Variants in WDR7 observed in about 807,000 individuals in gnomAD.
The protein encoded by WDR7 is WD repeat-containing protein 7.
Under a neutral mutation model 169.4 loss-of-function variants are expected in WDR7, and 46 were observed. The observed-to-expected ratio is 0.27, with a 90% CI of 0.21 to 0.35. The LOEUF is 0.35. Among genes scored for constraint, WDR7 ranks in the 10% least tolerant of loss-of-function variants. The pLI, the probability that WDR7 is intolerant of heterozygous loss-of-function variation, is 1.00. For missense variants in WDR7, 1,534 were observed against 1,859.3 expected (o/e 0.83, Z 3.22); for synonymous variants, 612 against 666.8 (o/e 0.92, Z 1.27).
chr18:56,724,331 G>A (rs2026392854), intron 13 of WDR7, among the ~76,000 whole-genome samples: 1 of 150,662 alleles, frequency 6.6e-6, no homozygotes, highest in South Asian at 2.1e-4. Context: ...CCTGCCTCAG[G>A]CCTCCCAAGA....
intron 21 of WDR7, among the ~76,000 whole-genome samples, chr18:56,913,623 C>CAAAA (rs3045241): frequency 1.5e-5 from 2 of 134,824 alleles, no homozygotes; most frequent in Admixed American, 7.3e-5. Flanking sequence ...CCCATCTCTA[C>CAAAA]AAAAAAAAAA....
In WDR7 at chr18:56,682,687, G is replaced by C; in HGVS notation, c.354G>C (p.Gln118His). 1 of 1,612,940 alleles carries C rather than the reference G, an allele frequency of 6.2e-7. No individual in the cohort carries two copies. Among genetic ancestry groups the C allele is most frequent in the Non-Finnish European group, 8.5e-7 (1 of 1,179,526 alleles). Residue 118 changes from glutamine to histidine, a missense_variant, in exon 5 of 28, where the codon CAG becomes CAC. By Grantham distance (24) the Gln-to-His change is conservative. Coordinates refer to ENST00000254442, the MANE Select transcript of WDR7 (RefSeq NM_015285.3). ...TTTTGGCATGAATGTAGTTCTACCA[G>C]TTCTCTGTTGGGAATCAGCGAGAAG... ...ACTHTGIQFY[Q>H]FSVGNQREGR... is the part of the protein sequence containing the mutation.
chr18:56,956,340 T>C (rs1294956955), intron 25 of WDR7, among the ~76,000 whole-genome samples: 1 of 152,118 alleles, frequency 6.6e-6, no homozygotes, highest in African/African-American at 2.4e-5. Flanking sequence ...CTTTCAAACA[T>C]ATTAGCAGCA....
intron 24 of WDR7, 129 bp from the exon 25 acceptor site, chr18:56,939,182 T>A: frequency 1.7e-6 from 1 of 594,046 alleles, no homozygotes; most frequent in Admixed American, 3.8e-5. Context: ...ATTGCTTTTG[T>A]TTTTATTTTA....
rs564849704 is a variant in WDR7, at chr18:56,992,247, C to T, written c.4165-28498C>T. On this transcript the variant is annotated intron_variant, in intron 26 of 27. Transcript: ENST00000254442. The stretch of plus-strand genomic sequence containing the variant: ...CTTTAGAGCTGGAAAGCTGAGAGTG[C>T]CTGCCTTCTTTATGTAACTAGCGAT... 6.0e-4 allele frequency among the ~76,000 whole-genome samples: 92 copies of T among 152,190 alleles called. 1 individual carries two copies. The highest frequency in any genetic ancestry group is 1.1e-3 in the Non-Finnish European group (72 of 68,030).
At chr18:57,003,787 A>C (rs1599237380) in intron 26 of WDR7, among the ~76,000 whole-genome samples, 1 of 152,076 alleles carries the variant, frequency 6.6e-6, no homozygotes, top group East Asian at 1.9e-4. Flanking sequence ...GTCTGTCTTC[A>C]GACTAATTTG....
intron 9 of WDR7, among the ~76,000 whole-genome samples, chr18:56,692,824 T>C (rs1174472092): frequency 6.6e-6 from 1 of 152,206 alleles, no homozygotes; most frequent in Non-Finnish European, 1.5e-5. Context: ...TTACAGCTGC[T>C]GTAGCAATTT....
At chr18:56,854,714 G>A (rs1250122956) in intron 20 of WDR7, among the ~76,000 whole-genome samples, 5 of 152,088 alleles carry the variant, frequency 3.3e-5, no homozygotes, top group African/African-American at 7.2e-5. Context: ...TGAAATGTAG[G>A]TTTTATGACC....
rs928444947 is a variant in WDR7 at position 57,027,532 on chromosome 18, A to G, written c.*325A>G. On this transcript the variant is annotated 3_prime_UTR_variant, in exon 28 of 28. Coordinates refer to ENST00000254442, the MANE Select transcript of WDR7 (RefSeq NM_015285.3). Reference sequence around the variant, plus strand: ...TTGGTGCAACAGAAGCACAAAAATCAATAAACACTGTGATTGCACTCCCAG... The same window carrying G: ...TTGGTGCAACAGAAGCACAAAAATCGATAAACACTGTGATTGCACTCCCAG... 3 of 375,548 alleles carry G rather than the reference A, an allele frequency of 8.0e-6. No homozygotes were observed. Among genetic ancestry groups the G allele is most frequent in the Non-Finnish European group, 9.8e-6 (2 of 204,280 alleles). The allele number at this position is 375,548 out of a possible 1,614,324, so 23.3% of individuals were successfully genotyped here. A position where few individuals can be genotyped will look rare whatever the true frequency, so the allele number is the denominator to read the frequency against.
In WDR7 at chr18:56,842,330, C is replaced by T. The variant is rs570167511; in HGVS notation, c.3304+26186C>T. On this transcript the variant is annotated intron_variant, in intron 20 of 27. Coordinates refer to ENST00000254442, the MANE Select transcript of WDR7 (RefSeq NM_015285.3). Reference sequence around the variant, plus strand: ...AGTTCCCCTGTGTGCATGTAAGGGTCGGGGGAGGGGGACCAAATCATCCTT... The same window carrying T: ...AGTTCCCCTGTGTGCATGTAAGGGTTGGGGGAGGGGGACCAAATCATCCTT... 3.2e-4 allele frequency among the ~76,000 whole-genome samples: 25 copies of T among 78,444 alleles called. No homozygotes were observed. The South Asian group carries it at 3.6e-3, about 11-fold the overall frequency. The allele number at this position is 78,444 out of a possible 152,430, so 51.5% of individuals were successfully genotyped here.
chr18:56,990,204 ACTGCATTGCCATTCATG>A (rs899349011), intron 26 of WDR7, among the ~76,000 whole-genome samples: 18 of 152,232 alleles, frequency 1.2e-4, no homozygotes, highest in African/African-American at 4.3e-4. Context: ...CATTGCGTGA[ACTGCATTGCCATTCATG>A]GCAGGTAAAA....
At position 56,688,137 on chromosome 18, in the gene WDR7, C is replaced by T. The variant is rs115599614; in HGVS notation, c.717+1163C>T. Among the ~76,000 whole-genome samples the T allele has an allele frequency of 4.5e-3, 682 of 152,184 alleles. 5 individuals carry two copies. The highest frequency in any genetic ancestry group is 0.015 in the African/African-American group (642 of 41,518). On this transcript the variant is annotated intron_variant, in intron 7 of 27. Transcript: ENST00000254442. ...TTGACAAAGGTTATATAAATGGCAG[C>T]GGAGTTGCTGAGTTACAACATGGGT...
At chr18:56,808,368 T>A (rs1322718075) in intron 19 of WDR7, among the ~76,000 whole-genome samples, 1 of 152,200 alleles carries the variant, frequency 6.6e-6, no homozygotes, top group African/African-American at 2.4e-5. Context: ...GAGGAACTGA[T>A]GAAATAAAAA....
At chr18:56,982,189 A>T (rs1203536800) in intron 26 of WDR7, among the ~76,000 whole-genome samples, 1 of 152,194 alleles carries the variant, frequency 6.6e-6, no homozygotes, top group East Asian at 1.9e-4. Context: ...CCCGTATCTG[A>T]CTTTAAATAG....
intron 20 of WDR7, among the ~76,000 whole-genome samples, chr18:56,878,816 T>C (rs557409049): frequency 2.2e-4 from 33 of 152,350 alleles, no homozygotes; most frequent in Non-Finnish European, 3.7e-4. Flanking sequence ...ATACAATATA[T>C]GGTCTTTTGT....
At chr18:56,764,267 G>A (rs2044027293) in intron 16 of WDR7, among the ~76,000 whole-genome samples, 1 of 151,902 alleles carries the variant, frequency 6.6e-6, no homozygotes, top group Non-Finnish European at 1.5e-5. Flanking sequence ...TTTTACCCAT[G>A]GATAATTTAG....
Position 56,880,913 on chromosome 18 carries a change from C to T in WDR7, c.3526+748C>T, listed in dbSNP as rs575706877. Among the ~76,000 whole-genome samples, 53 of 152,124 alleles carry T rather than the reference C, an allele frequency of 3.5e-4. 1 individual carries two copies. The highest frequency in any genetic ancestry group is 6.8e-4 in the Non-Finnish European group (46 of 68,010). ...GTAAGGTCAGAGTGGCATGTGGCAC[C>T]ATATAGCAAAATTATTTCTAATAAA... On this transcript the variant is annotated intron_variant, in intron 21 of 27. Transcript: ENST00000254442.
chr18:56,915,103 T>G (rs7242008), intron 21 of WDR7, among the ~76,000 whole-genome samples: 1,821 of 152,336 alleles, frequency 0.012, 42 homozygotes, highest in African/African-American at 0.042. Context: ...AAGAAATGAC[T>G]TATTTTTATG....
At chr18:56,758,610 A>G (rs908893706) in intron 15 of WDR7, among the ~76,000 whole-genome samples, 3 of 152,176 alleles carry the variant, frequency 2.0e-5, no homozygotes, top group Non-Finnish European at 2.9e-5. Context: ...GTATGATGTT[A>G]GAAAATATTT....
Sources: gnomAD v4.1 joint callset for allele counts (sites outside exome capture counted in the v4.1 genomes callset) on GRCh38, gnomAD v4.1.1 for gene constraint, MANE v1.5 for transcripts, NCBI Gene and HGNC (gene_info 2026-07-23, HGNC 2026-07-21) for gene names.